KLHL11: variants seen among roughly 807,000 people sequenced by gnomAD.
KLHL11 encodes the protein kelch-like protein 11.
Under a neutral mutation model 56.1 loss-of-function variants are expected in KLHL11, and 26 were observed. That is an observed-to-expected ratio of 0.46 (90% CI 0.34 to 0.64). KLHL11 has a LOEUF of 0.64. KLHL11 is among the 30% of genes least tolerant of loss of function. The probability of loss-of-function intolerance (pLI) is 0.01; values close to 1 mark genes in which losing one functional copy is unlikely to be tolerated. For synonymous variants in KLHL11, 338 were observed against 345.8 expected, an observed-to-expected ratio of 0.98 and a Z score of 0.25; for missense variants, 627 against 919.4, an observed-to-expected ratio of 0.68 and a Z score of 4.11.
intron 1 of KLHL11, among the ~76,000 whole-genome samples, chr17:41,858,751 T>G (rs2048384357): frequency 6.6e-6 from 1 of 151,924 alleles, no homozygotes; most frequent in African/African-American, 2.4e-5. Flanking sequence ...TAATTTTTTT[T>G]TTTGTATTTT....
In KLHL11 at chr17:41,849,623, G is replaced by C. The variant is rs1351613227; in HGVS notation, c.*4117C>G. 6.6e-6 allele frequency: 1 copy of C among 152,090 alleles called. No homozygotes were observed. Among genetic ancestry groups the C allele is most frequent in the African/African-American group, 2.4e-5 (1 of 41,416 alleles). 9.4% of individuals were successfully genotyped at this position (152,090 alleles called of 1,614,324 possible). On this transcript the variant is annotated 3_prime_UTR_variant, in exon 2 of 2. Transcript: ENST00000319121. ...TCCCAGAAATACTATATAAAACCGG[G>C]TGATCAAAACAAAACTTATGTCATG...
chr17:41,852,036 T>C lies in KLHL11; in HGVS notation c.*1704A>G, dbSNP rs1278679654. Among the ~76,000 whole-genome samples, 1 of 152,202 alleles carries C rather than the reference T, an allele frequency of 6.6e-6. No individual in the cohort carries two copies. The highest frequency in any genetic ancestry group is 1.5e-5 in the Non-Finnish European group (1 of 68,034). On this transcript the variant is annotated 3_prime_UTR_variant, in exon 2 of 2. Coordinates refer to ENST00000319121, the MANE Select transcript of KLHL11 (RefSeq NM_018143.3). Reference sequence around the variant, plus strand: ...GCTTCAGTGATCTTTTTAATTTTTATTTGAGACACCGTCTCTCTGTCACCC... The same window carrying C: ...GCTTCAGTGATCTTTTTAATTTTTACTTGAGACACCGTCTCTCTGTCACCC...
At position 41,864,918 on chromosome 17, in the gene KLHL11, G is replaced by T. The variant is rs781882433; in HGVS notation, c.453C>A (p.Pro151=). The T allele has an allele frequency of 6.2e-7, 1 of 1,610,704 alleles. No individual in the cohort carries two copies. The highest frequency in any genetic ancestry group is 1.1e-5 in the South Asian group (1 of 90,240). Residue 151 remains proline (P), a synonymous_variant, in exon 1 of 2, where the codon CCC becomes CCA. Transcript: ENST00000319121. ...ACTCGATTACGGCTTCCACTGTGTC[G>T]GGTTCGGGCCCCGGCTCGGAGCTCC... ...RKWSSEPGPE[P]DTVEAVIEYM... is the part of the protein sequence containing the mutation.
Position 41,854,446 on chromosome 17 carries a change from T to A in KLHL11, c.1421A>T (p.Tyr474Phe), listed in dbSNP as rs782390236. The A allele has an allele frequency of 6.2e-7, 1 of 1,614,228 alleles. No individual in the cohort carries two copies. The highest frequency in any genetic ancestry group is 1.1e-5 in the South Asian group (1 of 91,082). ...GTGCCATTTATCAAGCTCAGGATTA[T>A]AAACAGTCACATCTTTAAAACCAGG... Reference protein sequence around the residue: ...FSPGFKDVTVYNPELDKWHNL... With the variant: ...FSPGFKDVTVFNPELDKWHNL... The change falls in exon 2 of 2, where the codon TAT becomes TTT. Residue 474 changes from tyrosine to phenylalanine, a missense_variant. Transcript: ENST00000319121. The surrounding 1 kb of genome is among the most constrained non-coding windows in gnomAD (Gnocchi z 4.9).
At position 41,855,178 on chromosome 17, in the gene KLHL11, C is replaced by T. The variant is rs2048357165; in HGVS notation, c.689G>A (p.Arg230Lys). ...ATCCTGAATCACTTTGTGGAAATTT[C>T]TCCGTATCATATCAGCAGCCTTCAG... ...LALKAADMIR[R>K]NFHKVIQDEE... The change falls in exon 2 of 2, where the codon AGA becomes AAA. Residue 230 changes from arginine (R) to lysine (K), a missense_variant. Transcript: ENST00000319121. 6.2e-7 allele frequency: 1 copy of T among 1,614,124 alleles called. No homozygotes were observed. Among genetic ancestry groups the T allele is most frequent in the Non-Finnish European group, 8.5e-7 (1 of 1,180,020 alleles).
At chr17:41,862,572 G>A (rs1415753997) in intron 1 of KLHL11, among the ~76,000 whole-genome samples, 3 of 151,840 alleles carry the variant, frequency 2.0e-5, no homozygotes, top group African/African-American at 4.8e-5. Context: ...GAGCCACCGC[G>A]CCCGGCCTAA....
intron 1 of KLHL11, among the ~76,000 whole-genome samples, chr17:41,856,213 ACTC>A (rs2048365539): frequency 6.6e-6 from 1 of 151,944 alleles, no homozygotes; most frequent in African/African-American, 2.4e-5. Context: ...CTGGTCTCGA[ACTC>A]CTGACCTCAA....
In KLHL11 at chr17:41,854,103, G is replaced by A; in HGVS notation, c.1764C>T (p.Ile588=). 1 of 1,614,148 alleles carries A rather than the reference G, an allele frequency of 6.2e-7. No homozygotes were observed. The highest frequency in any genetic ancestry group is 1.3e-5 in the African/African-American group (1 of 75,036). Residue 588 remains isoleucine, a synonymous_variant, in exon 2 of 2, where the codon ATC becomes ATT. Transcript: ENST00000319121. This position sits in a 1 kb window ranked among gnomAD's most constrained non-coding sequence, Gnocchi z 4.9. ...GGACTTCTGGAGGCAAGCTTTCAAG[G>A]ATCTCATCAGACACTTGGCTGGCAA... ...RKIASQVSDE[I]LESLPPEVLS... is the part of the protein sequence containing the mutation.
At position 41,864,990 on chromosome 17, in the gene KLHL11, C is replaced by G. The variant is rs1555623392; in HGVS notation, c.381G>C (p.Ser127=). The G allele has an allele frequency of 6.2e-7, 1 of 1,609,458 alleles. No homozygotes were observed. Among genetic ancestry groups the G allele is most frequent in the South Asian group, 1.1e-5 (1 of 90,144 alleles). Residue 127 remains serine, a synonymous_variant, in exon 1 of 2, where the codon TCG becomes TCC. Coordinates refer to ENST00000319121, the MANE Select transcript of KLHL11 (RefSeq NM_018143.3). ...CCGAGCGGGACTCGGAAAACTGGCC[C>G]GAGAGCAGGGGCGTGAAGTACTCGG... ...AATEYFTPLL[S]GQFSESRSGR...
At chr17:41,859,987 G>A (rs147377312) in intron 1 of KLHL11, among the ~76,000 whole-genome samples, 26 of 152,168 alleles carry the variant, frequency 1.7e-4, no homozygotes, top group East Asian at 1.2e-3. Flanking sequence ...CAGGCCTCTC[G>A]CAATTCAGTA....
In KLHL11 at chr17:41,865,415, G is replaced by A. The variant is rs962362308; in HGVS notation, c.-45C>T. 21 of 1,210,980 alleles carry A rather than the reference G, an allele frequency of 1.7e-5. No individual in the cohort carries two copies. Among genetic ancestry groups the A allele is most frequent in the Admixed American group, 3.5e-5 (1 of 28,980 alleles). 75.0% of individuals were successfully genotyped at this position (1,210,980 alleles called of 1,614,324 possible). Reference sequence around the variant, plus strand: ...GCCTCCACAGCCTCGGAACGATGCGGCTGTTGGTACGACACAGAGGGATTC... The same window carrying A: ...GCCTCCACAGCCTCGGAACGATGCGACTGTTGGTACGACACAGAGGGATTC... On this transcript the variant is annotated 5_prime_UTR_variant, in exon 1 of 2. Transcript: ENST00000319121.
Position 41,854,825 on chromosome 17 carries a change from CAT to C in KLHL11, c.1040_1041del (p.His347ArgfsTer29), listed in dbSNP as rs782378610. On this transcript the variant is annotated frameshift_variant, in exon 2 of 2. Coordinates refer to ENST00000319121, the MANE Select transcript of KLHL11 (RefSeq NM_018143.3). LOFTEE classifies it high-confidence loss of function. This position sits in a 1 kb window ranked among gnomAD's most constrained non-coding sequence, Gnocchi z 4.9. Reference sequence around the variant, plus strand: ...TGCCCATAACGAGGCAATAGTGACACATGAGAAGTGGGGTGCTGGCATGTGCC... The same window carrying C: ...TGCCCATAACGAGGCAATAGTGACACGAGAAGTGGGGTGCTGGCATGTGCC... Reference protein sequence around the residue: ...QSGTCQHPTSHVSLLPRYGQN... With the variant: ...QSGTCQHPTSXVSLLPRYGQN... 1.2e-6 allele frequency: 2 copies of C among 1,614,222 alleles called. No individual in the cohort carries two copies. Among genetic ancestry groups the C allele is most frequent in the Admixed American group, 3.3e-5 (2 of 60,010 alleles).
At chr17:41,863,006 G>A (rs1268059162) in intron 1 of KLHL11, among the ~76,000 whole-genome samples, 1 of 151,830 alleles carries the variant, frequency 6.6e-6, no homozygotes, top group African/African-American at 2.4e-5. Flanking sequence ...TATACCCCAC[G>A]TCAAATCCAT....
chr17:41,865,362 A>C lies in KLHL11; in HGVS notation c.9T>G (p.Ala3=), dbSNP rs760861374. The C allele has an allele frequency of 7.9e-5, 113 of 1,437,858 alleles. No individual in the cohort carries two copies. The highest frequency in any genetic ancestry group is 1.5e-4 in the Admixed American group (5 of 33,624). 89.1% of individuals were successfully genotyped at this position (1,437,858 alleles called of 1,614,324 possible). A position where few individuals can be genotyped will look rare whatever the true frequency, so the allele number is the denominator to read the frequency against. MA[A]AAVAAAAAAA... ...CCGCCGCCGCCGCCGCCACTGCCGC[A>C]GCCGCCATCTTGACGCCGCTGCGCC... The change falls in exon 1 of 2, where the codon GCT becomes GCG. Residue 3 remains alanine (A), a synonymous_variant. Transcript: ENST00000319121.
In KLHL11 at chr17:41,854,625, T is replaced by C; in HGVS notation, c.1242A>G (p.Ser414=). Residue 414 remains serine (S), a synonymous_variant, in exon 2 of 2, where the codon TCA becomes TCG. Coordinates refer to ENST00000319121, the MANE Select transcript of KLHL11 (RefSeq NM_018143.3). This position sits in a 1 kb window ranked among gnomAD's most constrained non-coding sequence, Gnocchi z 4.9. Reference sequence around the variant, plus strand: ...CAGTTTTAGCAAACCCTGGCTCCATTGATCCAGCAACATACACGTAGGATT... The same window carrying C: ...CAGTTTTAGCAAACCCTGGCTCCATCGATCCAGCAACATACACGTAGGATT... ...VTESYVYVAG[S]MEPGFAKTVE... 4 of 1,614,226 alleles carry C rather than the reference T, an allele frequency of 2.5e-6. No homozygotes were observed. The highest frequency in any genetic ancestry group is 3.4e-6 in the Non-Finnish European group (4 of 1,180,044).
At chr17:41,856,219 G>C (rs1193483349) in intron 1 of KLHL11, among the ~76,000 whole-genome samples, 1 of 152,164 alleles carries the variant, frequency 6.6e-6, no homozygotes, top group Admixed American at 6.5e-5. Context: ...TCGAACTCCT[G>C]ACCTCAAGCA....
chr17:41,862,835 C>T (rs2048413041), intron 1 of KLHL11, among the ~76,000 whole-genome samples: 2 of 152,118 alleles, frequency 1.3e-5, no homozygotes, highest in African/African-American at 4.8e-5. Context: ...GTAATTTTCC[C>T]CAATCTGTAT....
rs2048428434 is a variant in KLHL11, at chr17:41,864,962, G to A, written c.409C>T (p.Arg137Trp). 1 of 1,610,940 alleles carries A rather than the reference G, an allele frequency of 6.2e-7. No individual in the cohort carries two copies. Among genetic ancestry groups the A allele is most frequent in the Non-Finnish European group, 8.5e-7 (1 of 1,178,996 alleles). Residue 137 changes from arginine to tryptophan, a missense_variant, in exon 1 of 2, where the codon CGG becomes TGG. Around this residue, in one of 4 missense-constraint regions of KLHL11, gnomAD observed 150 missense variants for 215.7 expected, o/e 0.70. Coordinates refer to ENST00000319121, the MANE Select transcript of KLHL11 (RefSeq NM_018143.3). ...GAGCTCCACTTGCGCATCTCCACCC[G>A]TCCCGAGCGGGACTCGGAAAACTGG... ...SGQFSESRSG[R>W]VEMRKWSSEP...
At chr17:41,861,461 A>C (rs1447881408) in intron 1 of KLHL11, among the ~76,000 whole-genome samples, 1 of 152,066 alleles carries the variant, frequency 6.6e-6, no homozygotes, top group Non-Finnish European at 1.5e-5. Context: ...GCACTTTGGG[A>C]GGCCAAGGCG....
Sources: allele counts gnomAD v4.1 joint callset (sites outside exome capture counted in the v4.1 genomes callset), GRCh38; gene constraint gnomAD v4.1.1; regional missense constraint gnomAD v4.1.1; non-coding constraint Gnocchi (gnomAD v3.1); transcripts MANE v1.5; gene names NCBI Gene and HGNC (gene_info 2026-07-23, HGNC 2026-07-21).